Variants in CHID1 observed in about 807,000 individuals in gnomAD.
The protein encoded by CHID1 is chitinase domain-containing protein 1.
Under a neutral mutation model 55.4 loss-of-function variants are expected in CHID1, and 44 were observed. The observed-to-expected ratio is 0.79, with a 90% CI of 0.62 to 1.02. The LOEUF (loss-of-function observed/expected upper bound fraction) is 1.02. Among genes scored for constraint, CHID1 ranks in the 50% least tolerant of loss-of-function variants. The pLI, the probability that CHID1 is intolerant of heterozygous loss-of-function variation, is 0.00. For synonymous variants in CHID1, 216 were observed against 212.9 expected, an observed-to-expected ratio of 1.01 and a Z score of -0.13; for missense variants, 491 against 515.3, an observed-to-expected ratio of 0.95 and a Z score of 0.46.
chr11:913,964 A>G (rs375904758), upstream of CHID1, among the ~76,000 whole-genome samples: 4 of 151,574 alleles, frequency 2.6e-5, no homozygotes, highest in African/African-American at 9.7e-5. Context: ...GCTCCTCAGG[A>G]GGCTGAGGTA....
At chr11:885,217 G>A (rs1415128222) in intron 8 of CHID1, among the ~76,000 whole-genome samples, 1 of 152,188 alleles carries the variant, frequency 6.6e-6, no homozygotes. Context: ...ACCACGCCAA[G>A]GGCCTCAGTG....
At position 880,573 on chromosome 11, in the gene CHID1, G is replaced by A. The variant is rs545823555; in HGVS notation, c.959+2575C>T. 2.6e-5 allele frequency among the ~76,000 whole-genome samples: 4 copies of A among 152,230 alleles called. No homozygotes were observed. The South Asian group carries it at 6.2e-4, about 24-fold the overall frequency. On this transcript the variant is annotated intron_variant, in intron 10 of 12. Coordinates refer to ENST00000323578, the MANE Select transcript of CHID1 (RefSeq NM_023947.4). ...CTCACGGAGGGCACCCCTGGAGGCCGGGCAGGGAACACTGCCCCAACATAC... is the reference window on the plus strand; with the variant it reads ...CTCACGGAGGGCACCCCTGGAGGCCAGGCAGGGAACACTGCCCCAACATAC...
chr11:877,473 T>C (rs1354492104), intron 10 of CHID1, among the ~76,000 whole-genome samples: 1 of 152,208 alleles, frequency 6.6e-6, no homozygotes, highest in African/African-American at 2.4e-5. Flanking sequence ...CTCGAACCCC[T>C]GGGCTCAAGC....
At position 904,777 on chromosome 11, in the gene CHID1, A is replaced by C; in HGVS notation, c.40T>G (p.Cys14Gly). ...GACAGGGTAGTGTGAACAGGGCTGC[A>C]GGCCAGGGCAAGCCAGAGGAGGTTG... ...LFNLLWLALA[C>G]SPVHTTLSKS... The change falls in exon 2 of 13, where the codon TGC becomes GGC. Residue 14 changes from cysteine to glycine, a missense_variant. Coordinates refer to ENST00000323578, the MANE Select transcript of CHID1 (RefSeq NM_023947.4). 1 of 1,614,084 alleles carries C rather than the reference A, an allele frequency of 6.2e-7. No individual in the cohort carries two copies. The highest frequency in any genetic ancestry group is 1.1e-5 in the South Asian group (1 of 91,088).
At chr11:906,969 G>C (rs1052612857) in intron 1 of CHID1, among the ~76,000 whole-genome samples, 1 of 152,100 alleles carries the variant, frequency 6.6e-6, no homozygotes, top group Non-Finnish European at 1.5e-5. Flanking sequence ...CAGAGGTTGC[G>C]GTAAGCCGAG....
In CHID1 at chr11:903,051, C is replaced by T; in HGVS notation, c.172G>A (p.Glu58Lys). The change falls in exon 3 of 13, where the codon GAG (glutamate) becomes AAG (lysine). Residue 58 changes from glutamate to lysine, a missense_variant. By Grantham distance (56) the Glu-to-Lys change is moderately conservative. Transcript: ENST00000323578. ...CTGCGATGCTCAAGAACCACACTCT[C>T]AGCTTTGAGGTCCGTCACCACCAAA... ...RGLVVTDLKA[E>K]SVVLEHRSYC... The T allele has an allele frequency of 1.9e-6, 3 of 1,613,862 alleles. No individual in the cohort carries two copies. The highest frequency in any genetic ancestry group is 2.5e-6 in the Non-Finnish European group (3 of 1,180,020).
At position 870,430 on chromosome 11, in the gene CHID1, G is replaced by T. The variant is rs142808709; in HGVS notation, c.1029C>A (p.Phe343Leu). 24 of 1,610,416 alleles carry T rather than the reference G, an allele frequency of 1.5e-5. No homozygotes were observed. Among genetic ancestry groups the T allele is most frequent in the Non-Finnish European group, 1.9e-5 (22 of 1,177,854 alleles). ...VWDSQASEHFFEYKKSRSGRH... is the reference protein window; with the variant it reads ...VWDSQASEHFLEYKKSRSGRH... Reference sequence around the variant, plus strand: ...TTCAAAACACTCACTTCTTGTACTCGAAGAAGTGCTCTGAGGCCTGGCTGT... The same window carrying T: ...TTCAAAACACTCACTTCTTGTACTCTAAGAAGTGCTCTGAGGCCTGGCTGT... The change falls in exon 11 of 13, where the codon TTC (phenylalanine) becomes TTA (leucine). Residue 343 changes from phenylalanine to leucine, a missense_variant. Transcript: ENST00000323578.
At chr11:893,234 G>A (rs1319103641) in intron 8 of CHID1, among the ~76,000 whole-genome samples, 193 bp downstream of exon 8, 4 of 152,226 alleles carry the variant, frequency 2.6e-5, no homozygotes, top group Admixed American at 1.3e-4. Flanking sequence ...TGGGACTCAC[G>A]TGCTGACTTG....
intron 1 of CHID1, among the ~76,000 whole-genome samples, chr11:906,507 C>T (rs989133952): frequency 3.9e-5 from 6 of 152,110 alleles, no homozygotes; most frequent in South Asian, 2.1e-4. Flanking sequence ...TGAGCCACCG[C>T]GCCCAGCCAT....
Position 870,512 on chromosome 11 carries a change from G to A in CHID1, c.960-13C>T. 1.3e-6 allele frequency: 2 copies of A among 1,597,594 alleles called. No homozygotes were observed. The highest frequency in any genetic ancestry group is 1.3e-5 in the African/African-American group (1 of 74,782). ...TGTCTGGATGTACCTGGGGAGACCA[G>A]GATATGGATTTGGGAGCCCACCCAG... On this transcript the variant is annotated splice_polypyrimidine_tract_variant and intron_variant, in intron 10 of 12. Transcript: ENST00000323578.
At chr11:893,829 T>C (rs1851035914) in intron 7 of CHID1, among the ~76,000 whole-genome samples, 2 of 149,258 alleles carry the variant, frequency 1.3e-5, no homozygotes, top group Admixed American at 1.3e-4. Context: ...CCTAAAGACA[T>C]GGCAGATTAA....
intron 9 of CHID1, 66 bp from the exon 10 acceptor site, chr11:883,369 G>A: frequency 1.3e-6 from 2 of 1,506,244 alleles, no homozygotes; most frequent in East Asian, 4.5e-5. Context: ...CATCATTGGG[G>A]CCCTCCACTG....
At chr11:887,780 C>G (rs186263280) in intron 8 of CHID1, among the ~76,000 whole-genome samples, 3 of 152,188 alleles carry the variant, frequency 2.0e-5, no homozygotes, top group East Asian at 1.9e-4. Context: ...GTGCCTCCCC[C>G]ACATCCACGG....
At position 875,491 on chromosome 11, in the gene CHID1, C is replaced by A. The variant is rs1849449541; in HGVS notation, c.960-4992G>T. On this transcript the variant is annotated intron_variant, in intron 10 of 12. Transcript: ENST00000323578. The surrounding 1 kb of genome is among the most constrained non-coding windows in gnomAD (Gnocchi z 4.7). ...GGCTCCCAGAGGCACAAGCTGTAGA[C>A]ACTGAGGGCCCCGGGTGTGGAGAAG... 6.6e-6 allele frequency among the ~76,000 whole-genome samples: 1 copy of A among 152,198 alleles called. No individual in the cohort carries two copies. The highest frequency in any genetic ancestry group is 2.1e-4 in the South Asian group (1 of 4,834).
At chr11:888,917 C>T (rs899503065) in intron 8 of CHID1, among the ~76,000 whole-genome samples, 4 of 152,114 alleles carry the variant, frequency 2.6e-5, no homozygotes, top group Non-Finnish European at 4.4e-5. Flanking sequence ...GATTGGACCC[C>T]GGGGCCCACA....
At chr11:910,885 G>A, upstream of CHID1, 2 of 1,036,598 alleles carry the variant, frequency 1.9e-6, no homozygotes, top group Non-Finnish European at 2.4e-6. Flanking sequence ...CGGCACGCTG[G>A]GATGGAGAGG....
chr11:909,573 G>C (rs993311615), intron 1 of CHID1, among the ~76,000 whole-genome samples: 1 of 152,172 alleles, frequency 6.6e-6, no homozygotes, highest in Non-Finnish European at 1.5e-5. Context: ...TGCACTTTAC[G>C]TCACAGCCCA....
At position 868,832 on chromosome 11, in the gene CHID1, C is replaced by A. The variant is rs1848997443; in HGVS notation, c.*1026G>T. The A allele has an allele frequency of 6.6e-6, 1 of 152,430 alleles. No individual in the cohort carries two copies. The highest frequency in any genetic ancestry group is 2.4e-5 in the African/African-American group (1 of 41,442). The allele number at this position is 152,430 out of a possible 1,614,324, so 9.4% of individuals were successfully genotyped here. On this transcript the variant is annotated 3_prime_UTR_variant, in exon 13 of 13. Coordinates refer to ENST00000323578, the MANE Select transcript of CHID1 (RefSeq NM_023947.4). ...CATTCTGAGTGAGGGACGCCCAGGC[C>A]CACCCACTCCCTGGACTCACTTCTG...
At chr11:913,688 G>A (rs12289395), upstream of CHID1, among the ~76,000 whole-genome samples, 74 of 151,796 alleles carry the variant, frequency 4.9e-4, 1 homozygote, top group East Asian at 7.0e-3. Context: ...CATGAGAATC[G>A]CTTGAACTGG....
Sources: allele counts gnomAD v4.1 joint callset (sites outside exome capture counted in the v4.1 genomes callset), GRCh38; gene constraint gnomAD v4.1.1; non-coding constraint Gnocchi (gnomAD v3.1); transcripts MANE v1.5; gene names NCBI Gene and HGNC (gene_info 2026-07-23, HGNC 2026-07-21).